Variants in FNBP4 observed in about 807,000 individuals in gnomAD.
FNBP4 encodes formin binding protein 4, also known as formin-binding protein 4.
Under a neutral mutation model 119.3 loss-of-function variants are expected in FNBP4, and 34 were observed. The ratio of observed to expected loss-of-function variants is 0.28; its 90% CI spans 0.22 to 0.38. The LOEUF (loss-of-function observed/expected upper bound fraction) is 0.38. Ranked by LOEUF, FNBP4 falls within the 10% of genes least tolerant of loss-of-function variation. The pLI, the probability that FNBP4 is intolerant of heterozygous loss-of-function variation, is 1.00. For synonymous variants in FNBP4, 462 were observed against 430.6 expected (o/e 1.07, Z -0.90); for missense variants, 1,112 against 1,228.9 (o/e 0.90, Z 1.42).
intron 8 of FNBP4, among the ~76,000 whole-genome samples, chr11:47,742,084 T>C (rs954629528): frequency 2.6e-5 from 4 of 152,188 alleles, no homozygotes; most frequent in Non-Finnish European, 4.4e-5. Context: ...CTCTCATATA[T>C]GGTAAAATTT....
chr11:47,743,699 G>A, intron 8 of FNBP4: 1 of 483,132 alleles, frequency 2.1e-6, no homozygotes, highest in South Asian at 2.6e-5. Context: ...GGGCAACGTA[G>A]ACAGAGAGAA....
chr11:47,719,019 C>T (rs1029374667), intron 16 of FNBP4, among the ~76,000 whole-genome samples: 1 of 151,532 alleles, frequency 6.6e-6, no homozygotes, highest in Admixed American at 6.6e-5. Flanking sequence ...AATTCTTCTG[C>T]CTCAGCGATT....
intron 1 of FNBP4, 42 bp from the exon 2 acceptor site, chr11:47,765,404 G>T: frequency 7.3e-7 from 1 of 1,363,800 alleles, no homozygotes; most frequent in South Asian, 1.3e-5. Context: ...GAAAAGAAAA[G>T]AAAAGAAAAG....
intron 2 of FNBP4, 84 bp downstream of exon 2, chr11:47,765,186 A>G (rs2097644212): frequency 2.4e-6 from 2 of 841,108 alleles, no homozygotes; most frequent in Non-Finnish European, 3.9e-6. Context: ...TAAAGCATTC[A>G]GCAAAACATT....
intron 9 of FNBP4, among the ~76,000 whole-genome samples, chr11:47,736,116 C>G (rs1448331809): frequency 6.6e-6 from 1 of 151,476 alleles, no homozygotes; most frequent in Non-Finnish European, 1.5e-5. Flanking sequence ...TGGTGGGTGC[C>G]TGTAATCTCA....
Position 47,752,972 on chromosome 11 carries a change from G to A in FNBP4, c.581C>T (p.Thr194Ile), listed in dbSNP as rs751565251. 1 of 1,614,174 alleles carries A rather than the reference G, an allele frequency of 6.2e-7. No homozygotes were observed. Among genetic ancestry groups the A allele is most frequent in the Non-Finnish European group, 8.5e-7 (1 of 1,180,000 alleles). ...STLSSSTSNG[T>I]DSTQTSGWQY... ...CCAACCAGATGTTTGGGTGGAGTCT[G>A]TTCCATTTGAAGTAGAAGAAGAAAG... is the stretch of plus-strand genomic sequence containing the variant. The change falls in exon 4 of 17, where the codon ACA becomes ATA. Residue 194 changes from threonine (T) to isoleucine (I), a missense_variant. Thr to Ile is a moderately conservative substitution (Grantham distance 89, BLOSUM62 -1). Around this residue, in one of 2 missense-constraint regions of FNBP4, gnomAD observed 826 missense variants for 988.8 expected, o/e 0.84. Transcript: ENST00000263773.
chr11:47,722,440 T>C (rs140093049), intron 15 of FNBP4, among the ~76,000 whole-genome samples: 115 of 152,166 alleles, frequency 7.6e-4, no homozygotes, highest in African/African-American at 2.7e-3. Context: ...TGGGTGATGC[T>C]GGCTCAACAA....
intron 2 of FNBP4, among the ~76,000 whole-genome samples, chr11:47,759,241 C>T (rs542161784): frequency 2.8e-5 from 4 of 140,764 alleles, no homozygotes; most frequent in South Asian, 4.6e-4. Flanking sequence ...TATGGAGTTT[C>T]GCTCTTCTTG....
Position 47,767,053 on chromosome 11 carries a change from C to A in FNBP4, c.220+16G>T. On this transcript the variant is annotated intron_variant, in intron 1 of 16. Coordinates refer to ENST00000263773, the MANE Select transcript of FNBP4 (RefSeq NM_015308.5). ...AAGCCCTGAGCTCGAGTTCAGGTCC[C>A]CCCGCGCACCCTTGCCTTCTGAAGG... is the stretch of plus-strand genomic sequence containing the variant. The A allele has an allele frequency of 6.6e-7, 1 of 1,521,780 alleles. No homozygotes were observed. The allele number at this position is 1,521,780 out of a possible 1,614,324, so 94.3% of individuals were successfully genotyped here.
chr11:47,765,800 G>A (rs2097646521), intron 1 of FNBP4, among the ~76,000 whole-genome samples: 1 of 147,476 alleles, frequency 6.8e-6, no homozygotes, highest in Non-Finnish European at 1.5e-5. Context: ...AAAAAGAAAG[G>A]ACATTTCATT....
chr11:47,751,451 G>A (rs903797484), intron 4 of FNBP4, among the ~76,000 whole-genome samples, 161 bp from the exon 5 acceptor site: 4 of 151,866 alleles, frequency 2.6e-5, no homozygotes, highest in Non-Finnish European at 4.4e-5. Flanking sequence ...GGAGGTTTTA[G>A]CAGCACCCCT....
chr11:47,754,513 G>A lies in FNBP4; in HGVS notation c.450+15C>T, dbSNP rs775525175. On this transcript the variant is annotated intron_variant, in intron 3 of 16. Coordinates refer to ENST00000263773, the MANE Select transcript of FNBP4 (RefSeq NM_015308.5). ...AGCTTCAGTAACTAAAACTCCAAAC[G>A]AAAGCACCACTAACCGCTAGGAAGT... The A allele has an allele frequency of 6.8e-6, 11 of 1,610,532 alleles. No individual in the cohort carries two copies. The South Asian group carries it at 7.7e-5, about 11-fold the overall frequency.
chr11:47,742,152 A>G (rs2097582943), intron 8 of FNBP4, among the ~76,000 whole-genome samples: 1 of 152,136 alleles, frequency 6.6e-6, no homozygotes, highest in Admixed American at 6.6e-5. Context: ...TATAAAGAAC[A>G]TGGTCTGGAA....
chr11:47,722,866 C>T, intron 15 of FNBP4, 110 bp downstream of exon 15: 4 of 1,269,698 alleles, frequency 3.2e-6, no homozygotes, highest in Admixed American at 2.9e-5. Context: ...GCTGGGATTA[C>T]AGGCTTAAGC....
intron 16 of FNBP4, among the ~76,000 whole-genome samples, chr11:47,719,387 T>C (rs928018748): frequency 2.2e-4 from 34 of 152,326 alleles, no homozygotes; most frequent in East Asian, 7.7e-4. Context: ...TGCTCTCTCA[T>C]TAACTTCTGT....
chr11:47,767,063 C>T lies in FNBP4; in HGVS notation c.220+6G>A. 2 of 1,525,970 alleles carry T rather than the reference C, an allele frequency of 1.3e-6. No homozygotes were observed. Among genetic ancestry groups the T allele is most frequent in the Non-Finnish European group, 8.7e-7 (1 of 1,143,194 alleles). 94.5% of individuals were successfully genotyped at this position (1,525,970 alleles called of 1,614,324 possible). On this transcript the variant is annotated splice_donor_region_variant and intron_variant, in intron 1 of 16. Transcript: ENST00000263773. Reference sequence around the variant, plus strand: ...CTCGAGTTCAGGTCCCCCCGCGCACCCTTGCCTTCTGAAGGCGAGTCGTCC... The same window carrying T: ...CTCGAGTTCAGGTCCCCCCGCGCACTCTTGCCTTCTGAAGGCGAGTCGTCC...
rs1489134493 is a variant in FNBP4 at position 47,758,231 on chromosome 11, C to T, written c.314-3567G>A. Among the ~76,000 whole-genome samples the T allele has an allele frequency of 2.7e-4, 41 of 152,108 alleles. 1 individual carries two copies. Among genetic ancestry groups the T allele is most frequent in the Admixed American group, 2.6e-3 (40 of 15,254 alleles). On this transcript the variant is annotated intron_variant, in intron 2 of 16. Coordinates refer to ENST00000263773, the MANE Select transcript of FNBP4 (RefSeq NM_015308.5). ...TCCTGTGTAGCTGGGACTAGAGATGCGCACCACTGCGCCTGGCTAACTTTG... is the reference window on the plus strand; with the variant it reads ...TCCTGTGTAGCTGGGACTAGAGATGTGCACCACTGCGCCTGGCTAACTTTG...
chr11:47,723,420 A>G (rs2097557912), intron 14 of FNBP4, 104 bp from the exon 15 acceptor site: 1 of 1,481,028 alleles, frequency 6.8e-7, no homozygotes, highest in African/African-American at 1.4e-5. Flanking sequence ...AATGATTCCA[A>G]TATATCCTTT....
Position 47,732,469 on chromosome 11 carries a change from T to C in FNBP4, c.1820+68A>G. 1 of 1,604,154 alleles carries C rather than the reference T, an allele frequency of 6.2e-7. No individual in the cohort carries two copies. The highest frequency in any genetic ancestry group is 8.5e-7 in the Non-Finnish European group (1 of 1,172,954). On this transcript the variant is annotated intron_variant, in intron 11 of 16. Transcript: ENST00000263773. The surrounding 1 kb of genome is among the most constrained non-coding windows in gnomAD (Gnocchi z 4.2). ...CCAGACAGGCTGTCATGTCGTCAGATGGTGGTGATCACAAATCATGTCTGA... is the reference window on the plus strand; with the variant it reads ...CCAGACAGGCTGTCATGTCGTCAGACGGTGGTGATCACAAATCATGTCTGA...
Sources: allele counts gnomAD v4.1 joint callset (sites outside exome capture counted in the v4.1 genomes callset), GRCh38; gene constraint gnomAD v4.1.1; regional missense constraint gnomAD v4.1.1; non-coding constraint Gnocchi (gnomAD v3.1); transcripts MANE v1.5; gene names NCBI Gene and HGNC (gene_info 2026-07-23, HGNC 2026-07-21).